EML1: variants seen among roughly 807,000 people sequenced by gnomAD.
The protein encoded by EML1 is EMAP like 1.
EML1 carries 27 observed loss-of-function variants against 110.4 expected under a neutral mutation model. The observed-to-expected ratio is 0.24, with a 90% CI of 0.18 to 0.34. The LOEUF is 0.34. EML1 is among the 10% of genes least tolerant of loss of function. The pLI, the probability that EML1 is intolerant of heterozygous loss-of-function variation, is 1.00. For synonymous variants in EML1, 344 were observed against 385.8 expected, an observed-to-expected ratio of 0.89 and a Z score of 1.27; for missense variants, 741 against 1,030.9, an observed-to-expected ratio of 0.72 and a Z score of 3.85.
rs139395720 is a variant in EML1 at position 99,865,608 on chromosome 14, C to T, written c.345C>T (p.Ser115=). ...KKPTGSLPSP[S]GVRKETAVPA... is the part of the protein sequence containing the mutation. ...CTACTGGCTCTCTACCATCCCCCTC[C>T]GGGGTCAGGAAAGAAACTGCTGTGC... Residue 115 remains serine (S), a synonymous_variant, in exon 3 of 22, where the codon TCC becomes TCT. Transcript: ENST00000262233. 441 of 1,614,160 alleles carry T rather than the reference C, an allele frequency of 2.7e-4. 2 individuals carry two copies. In the African/African-American group the frequency reaches 4.2e-3, roughly 15 times the overall value.
intron 3 of EML1, among the ~76,000 whole-genome samples, chr14:99,871,825 A>G (rs1199350126): frequency 1.3e-5 from 2 of 152,186 alleles, no homozygotes; most frequent in Non-Finnish European, 2.9e-5. Context: ...AACACTGTTC[A>G]CATTTCATGA....
rs184447016 is a variant in EML1 at position 99,930,703 on chromosome 14, T to A, written c.1910-5326T>A. On this transcript the variant is annotated intron_variant, in intron 17 of 21. Transcript: ENST00000262233. The stretch of plus-strand genomic sequence containing the variant: ...ATGTCGAGAATCTTATAGAGCACTT[T>A]ATGATTGGACAGGATGGAGTTTTGA... 6.6e-5 allele frequency among the ~76,000 whole-genome samples: 10 copies of A among 152,330 alleles called. No individual in the cohort carries two copies. The East Asian group carries it at 1.9e-3, about 29-fold the overall frequency.
At position 99,827,425 on chromosome 14, in the gene EML1, C is replaced by G. The variant is rs1275837702; in HGVS notation, c.68-23428C>G. Reference sequence around the variant, plus strand: ...GTAGCCACAAGTAAGGTGCAAATACCCTTGCAGCGTATCCAGGCCCAGTAG... The same window carrying G: ...GTAGCCACAAGTAAGGTGCAAATACGCTTGCAGCGTATCCAGGCCCAGTAG... On this transcript the variant is annotated intron_variant, in intron 1 of 21. Coordinates refer to ENST00000262233, the MANE Select transcript of EML1 (RefSeq NM_004434.3). This position sits in a 1 kb window ranked among gnomAD's most constrained non-coding sequence, Gnocchi z 4.4. Among the ~76,000 whole-genome samples, 5 of 152,110 alleles carry G rather than the reference C, an allele frequency of 3.3e-5. No individual in the cohort carries two copies. The highest frequency in any genetic ancestry group is 4.8e-5 in the African/African-American group (2 of 41,386).
chr14:99,848,464 T>C (rs2058739265), intron 1 of EML1, among the ~76,000 whole-genome samples: 1 of 152,090 alleles, frequency 6.6e-6, no homozygotes, highest in African/African-American at 2.4e-5. Context: ...TTTTAAAACA[T>C]GTTGTATACA....
At chr14:99,795,254 T>C (rs1051820282) in intron 1 of EML1, among the ~76,000 whole-genome samples, 1 of 152,248 alleles carries the variant, frequency 6.6e-6, no homozygotes, top group Non-Finnish European at 1.5e-5. Context: ...GTTTTCGTTT[T>C]CTGCATTTTC....
At chr14:99,778,814 T>C (rs990412849) in intron 1 of EML1, among the ~76,000 whole-genome samples, 1 of 152,248 alleles carries the variant, frequency 6.6e-6, no homozygotes, top group African/African-American at 2.4e-5. Flanking sequence ...TGTTGTTTTC[T>C]AGCTCCTATC....
At chr14:99,821,381 A>G (rs1286591020) in intron 1 of EML1, among the ~76,000 whole-genome samples, 1 of 152,206 alleles carries the variant, frequency 6.6e-6, no homozygotes, top group Non-Finnish European at 1.5e-5. Context: ...AAGCCGGGCA[A>G]AGTGGCTCAT....
rs984181155 is a variant in EML1, at chr14:99,827,594, G to A, written c.68-23259G>A. On this transcript the variant is annotated intron_variant, in intron 1 of 21. Coordinates refer to ENST00000262233, the MANE Select transcript of EML1 (RefSeq NM_004434.3). This position sits in a 1 kb window ranked among gnomAD's most constrained non-coding sequence, Gnocchi z 4.4. Reference sequence around the variant, plus strand: ...AGAGGTGATTAAGTTAAACGTGGCCGTTAGAGTGGGCCCTACTCCAGTCTG... The same window carrying A: ...AGAGGTGATTAAGTTAAACGTGGCCATTAGAGTGGGCCCTACTCCAGTCTG... Among the ~76,000 whole-genome samples the A allele has an allele frequency of 1.6e-4, 24 of 151,908 alleles. No individual in the cohort carries two copies. The highest frequency in any genetic ancestry group is 3.6e-4 in the African/African-American group (15 of 41,346).
At chr14:99,790,592 C>T (rs545720367), upstream of EML1, among the ~76,000 whole-genome samples, 3 of 152,276 alleles carry the variant, frequency 2.0e-5, no homozygotes, top group South Asian at 4.1e-4. Flanking sequence ...GCCAATCATC[C>T]AACATATCCT....
chr14:99,918,100 C>G (rs921775352), intron 16 of EML1, among the ~76,000 whole-genome samples: 1 of 152,162 alleles, frequency 6.6e-6, no homozygotes, highest in Non-Finnish European at 1.5e-5. Context: ...TAGACACACA[C>G]ACACTTTTTT....
chr14:99,852,726 G>GT (rs911216729), intron 2 of EML1, among the ~76,000 whole-genome samples: 93 of 151,872 alleles, frequency 6.1e-4, no homozygotes, highest in African/African-American at 2.2e-3. Flanking sequence ...GCGTCTTTGA[G>GT]TTTTTTTTTC....
At chr14:99,763,556 C>A (rs2057337136) in intron 1 of EML1, among the ~76,000 whole-genome samples, 1 of 152,164 alleles carries the variant, frequency 6.6e-6, no homozygotes, top group Non-Finnish European at 1.5e-5. Context: ...AGCCAGGCCC[C>A]ACCAGCCCTC....
intron 1 of EML1, among the ~76,000 whole-genome samples, chr14:99,799,666 G>A (rs762142307): frequency 6.6e-6 from 1 of 152,106 alleles, no homozygotes; most frequent in South Asian, 2.1e-4. Flanking sequence ...ACAAACCCAC[G>A]CATTTTGGTG....
chr14:99,842,228 A>G lies in EML1; in HGVS notation c.68-8625A>G, dbSNP rs372667824. 1.2e-4 allele frequency among the ~76,000 whole-genome samples: 19 copies of G among 152,348 alleles called. 1 individual carries two copies. The highest frequency in any genetic ancestry group is 3.6e-4 in the African/African-American group (15 of 41,580). ...TTCACATCTTGTGCTGTGGAATCCT[A>G]TGAAATGCTTAGAGATTCAAATGGT... On this transcript the variant is annotated intron_variant, in intron 1 of 21. Coordinates refer to ENST00000262233, the MANE Select transcript of EML1 (RefSeq NM_004434.3).
At chr14:99,889,319 G>A (rs756370731) in intron 4 of EML1, among the ~76,000 whole-genome samples, 1 of 152,130 alleles carries the variant, frequency 6.6e-6, no homozygotes, top group African/African-American at 2.4e-5. Flanking sequence ...ACAGATCCTT[G>A]GGGCCTGCTG....
At chr14:99,884,785 T>A (rs1450628710) in intron 4 of EML1, among the ~76,000 whole-genome samples, 1 of 152,216 alleles carries the variant, frequency 6.6e-6, no homozygotes, top group African/African-American at 2.4e-5. Context: ...AAACACCTTC[T>A]AGCACCTAGG....
intron 1 of EML1, among the ~76,000 whole-genome samples, chr14:99,755,128 A>G (rs1217382101): frequency 6.6e-6 from 1 of 152,248 alleles, no homozygotes; most frequent in Non-Finnish European, 1.5e-5. Flanking sequence ...CTTTCCTGGC[A>G]AAGCTGGGGC....
At chr14:99,771,528 C>T (rs2057428302), upstream of EML1, among the ~76,000 whole-genome samples, 1 of 152,194 alleles carries the variant, frequency 6.6e-6, no homozygotes, top group Admixed American at 6.5e-5. Context: ...ATACTTCTGC[C>T]AGGCTGGGCG....
At chr14:99,919,397 GCC>G (rs1450681707) in intron 16 of EML1, among the ~76,000 whole-genome samples, 1 of 139,280 alleles carries the variant, frequency 7.2e-6, no homozygotes, top group Non-Finnish European at 1.6e-5. Flanking sequence ...CGTTTGTATA[GCC>G]ACACACACAC....
Sources: allele counts gnomAD v4.1 joint callset (sites outside exome capture counted in the v4.1 genomes callset), GRCh38; gene constraint gnomAD v4.1.1; non-coding constraint Gnocchi (gnomAD v3.1); transcripts MANE v1.5; gene names NCBI Gene and HGNC (gene_info 2026-07-23, HGNC 2026-07-21).